ANO3: variants seen among roughly 807,000 people sequenced by gnomAD.
The protein encoded by ANO3 is anoctamin-3.
ANO3 carries 99 observed loss-of-function variants against 144.8 expected under a neutral mutation model. The observed-to-expected ratio is 0.68, with a 90% confidence interval of 0.58 to 0.81. ANO3 has a LOEUF of 0.81. Among genes scored for constraint, ANO3 ranks in the 30% least tolerant of loss-of-function variants. ANO3 has a pLI of 0.00. For synonymous variants in ANO3, 414 were observed against 392.6 expected, an observed-to-expected ratio of 1.05 and a Z score of -0.64; for missense variants, 905 against 1,202.2, an observed-to-expected ratio of 0.75 and a Z score of 3.66.
chr11:26,490,770 C>T (rs577847281), intron 4 of ANO3, among the ~76,000 whole-genome samples: 13 of 152,298 alleles, frequency 8.5e-5, no homozygotes, highest in South Asian at 2.1e-4. Context: ...CCACATTTCA[C>T]GCTTTAAGTT....
At chr11:26,479,125 A>G (rs552073491) in intron 4 of ANO3, among the ~76,000 whole-genome samples, 1 of 152,160 alleles carries the variant, frequency 6.6e-6, no homozygotes, top group Non-Finnish European at 1.5e-5. Flanking sequence ...CTCCATTTGG[A>G]TTTTCAGAAC....
At chr11:26,330,630 A>G (rs1855013702), upstream of ANO3, among the ~76,000 whole-genome samples, 2 of 152,332 alleles carry the variant, frequency 1.3e-5, no homozygotes, top group East Asian at 1.9e-4. Context: ...ACTCTGAGAG[A>G]TAACTGCCTG....
chr11:26,389,545 A>G (rs577673600), intron 1 of ANO3, among the ~76,000 whole-genome samples: 2 of 152,188 alleles, frequency 1.3e-5, no homozygotes, highest in East Asian at 3.9e-4. Flanking sequence ...TTTTCAAATA[A>G]TAAAGATCTC....
intron 1 of ANO3, among the ~76,000 whole-genome samples, chr11:26,409,747 C>T (rs1857382932): frequency 6.6e-6 from 1 of 151,874 alleles, no homozygotes; most frequent in African/African-American, 2.4e-5. Flanking sequence ...TGTGCCTTGG[C>T]AGGAATATTA....
At chr11:26,563,315 C>T (rs1319925329) in intron 14 of ANO3, 1 of 1,529,766 alleles carries the variant, frequency 6.5e-7, no homozygotes, top group Admixed American at 2.0e-5. Context: ...ATTCAAAGAA[C>T]CGAACTCTAT....
At chr11:26,209,574 C>G (rs1003084562) in intron 1 of ANO3, among the ~76,000 whole-genome samples, 1 of 137,968 alleles carries the variant, frequency 7.2e-6, no homozygotes, top group Admixed American at 7.2e-5. Context: ...GCCACACTGT[C>G]TTCCACAATG....
Position 26,525,615 on chromosome 11 carries a change from GT to G in ANO3, c.693-16del. The G allele has an allele frequency of 6.2e-7, 1 of 1,605,408 alleles. No individual in the cohort carries two copies. Among genetic ancestry groups the G allele is most frequent in the Non-Finnish European group, 8.5e-7 (1 of 1,174,700 alleles). ...TATTTTCCTGTGGCTTTCCTTAGCT[GT>G]TTTCTATTATTTTTTCAGGAAAAAA... is the stretch of plus-strand genomic sequence containing the variant. On this transcript the variant is annotated intron_variant, in intron 6 of 26. Transcript: ENST00000256737.
At chr11:26,479,036 G>A (rs543806058) in intron 4 of ANO3, among the ~76,000 whole-genome samples, 12 of 152,220 alleles carry the variant, frequency 7.9e-5, no homozygotes, top group African/African-American at 2.9e-4. Context: ...ATGAGACAGA[G>A]AAAAAAGCAA....
At chr11:26,231,614 C>G (rs945356077) in intron 1 of ANO3, among the ~76,000 whole-genome samples, 9 of 152,218 alleles carry the variant, frequency 5.9e-5, no homozygotes, top group African/African-American at 2.2e-4. Flanking sequence ...AGAATTCAAC[C>G]TCTGGGGTTT....
intron 14 of ANO3, chr11:26,565,936 A>G: frequency 6.7e-7 from 1 of 1,484,986 alleles, no homozygotes; most frequent in Non-Finnish European, 9.0e-7. Context: ...CTTAAATAAA[A>G]TACTCTGAGT....
At chr11:26,259,181 A>G (rs1356394929) in intron 1 of ANO3, among the ~76,000 whole-genome samples, 5 of 151,964 alleles carry the variant, frequency 3.3e-5, no homozygotes. Context: ...GGATAAACGC[A>G]CTCTCTCTCT....
chr11:26,389,382 A>C (rs969643067), intron 1 of ANO3, among the ~76,000 whole-genome samples: 1 of 152,054 alleles, frequency 6.6e-6, no homozygotes, highest in African/African-American at 2.4e-5. Flanking sequence ...CCTTATAAGA[A>C]TTTTGTAAAG....
intron 14 of ANO3, among the ~76,000 whole-genome samples, chr11:26,592,122 G>T (rs776514832): frequency 2.6e-5 from 4 of 152,042 alleles, no homozygotes; most frequent in Admixed American, 6.6e-5. Context: ...GCTCTCTCTT[G>T]GTCAAACACA....
chr11:26,242,962 T>C (rs1331899677), intron 1 of ANO3, among the ~76,000 whole-genome samples: 7 of 152,192 alleles, frequency 4.6e-5, no homozygotes, highest in African/African-American at 1.7e-4. Flanking sequence ...ATGTTTATTG[T>C]ATATCATCAT....
chr11:26,602,778 G>C (rs927946553), intron 17 of ANO3, among the ~76,000 whole-genome samples: 4 of 151,124 alleles, frequency 2.6e-5, no homozygotes, highest in African/African-American at 9.7e-5. Context: ...CTGTGTAATA[G>C]AACACTAGAA....
intron 14 of ANO3, among the ~76,000 whole-genome samples, chr11:26,574,631 G>A (rs981847987): frequency 1.3e-5 from 2 of 152,036 alleles, no homozygotes; most frequent in Admixed American, 6.6e-5. Context: ...GAATTTAACG[G>A]CTGGGAAATG....
chr11:26,576,938 G>C (rs1294251760), intron 14 of ANO3, among the ~76,000 whole-genome samples: 2 of 150,256 alleles, frequency 1.3e-5, no homozygotes, highest in Non-Finnish European at 3.0e-5. Context: ...CTATTCATGA[G>C]ACAGCTGTAA....
In ANO3 at chr11:26,243,141, G is replaced by C. The variant is rs1185765504; in HGVS notation, c.154+53811G>C. Among the ~76,000 whole-genome samples the C allele has an allele frequency of 2.0e-5, 3 of 152,128 alleles. No individual in the cohort carries two copies. The East Asian group carries it at 5.8e-4, about 29-fold the overall frequency. On this transcript the variant is annotated intron_variant, in intron 1 of 27. Transcript: ENST00000672621. ...TGAAGAATGAAGAAATGCCAAAGCA[G>C]GGATATGGCCAGTGAAATCTCTAAG...
At chr11:26,306,096 C>T (rs1248551118), upstream of ANO3, among the ~76,000 whole-genome samples, 1 of 150,700 alleles carries the variant, frequency 6.6e-6, no homozygotes, top group Non-Finnish European at 1.5e-5. Flanking sequence ...GTAGCTGGGA[C>T]TACAGGCGCC....
Sources: allele counts gnomAD v4.1 joint callset (sites outside exome capture counted in the v4.1 genomes callset), GRCh38; gene constraint gnomAD v4.1.1; transcripts MANE v1.5; gene names NCBI Gene and HGNC (gene_info 2026-07-23, HGNC 2026-07-21).